VANGL2: variants seen among roughly 807,000 people sequenced by gnomAD.
VANGL2 encodes vang-like protein 2.
Under a neutral mutation model 50.2 loss-of-function variants are expected in VANGL2, and 14 were observed. The ratio of observed to expected loss-of-function variants is 0.28; its 90% CI spans 0.18 to 0.44. VANGL2 has a LOEUF of 0.44. Ranked by LOEUF, VANGL2 falls within the 20% of genes least tolerant of loss-of-function variation. The probability of loss-of-function intolerance (pLI) is 1.00; values close to 1 mark genes in which losing one functional copy is unlikely to be tolerated. For synonymous variants in VANGL2, 295 were observed against 297.2 expected, an observed-to-expected ratio of 0.99 and a Z score of 0.08; for missense variants, 533 against 701.5, an observed-to-expected ratio of 0.76 and a Z score of 2.71.
At position 160,418,984 on chromosome 1, in the gene VANGL2, G is replaced by T. The variant is rs1325046388; in HGVS notation, c.193-18G>T. ...TCCTTTCCTCCTTATTGTGTGGCTG[G>T]CCCCCTTCTGCCTGTAGGATGACAA... On this transcript the variant is annotated intron_variant, in intron 3 of 7. Transcript: ENST00000368061. 1 of 1,597,162 alleles carries T rather than the reference G, an allele frequency of 6.3e-7. No homozygotes were observed. Among genetic ancestry groups the T allele is most frequent in the Non-Finnish European group, 8.6e-7 (1 of 1,169,238 alleles).
At chr1:160,402,818 C>T (rs1054434680) in intron 1 of VANGL2, among the ~76,000 whole-genome samples, 3 of 152,048 alleles carry the variant, frequency 2.0e-5, no homozygotes, top group Admixed American at 2.0e-4. Flanking sequence ...CTCATCCTTT[C>T]TCTTTTGGGG....
chr1:160,421,061 C>T lies in VANGL2; in HGVS notation c.947C>T (p.Thr316Ile). The change falls in exon 6 of 8, where the codon ACC becomes ATC. Residue 316 changes from threonine (T) to isoleucine (I), a missense_variant. Transcript: ENST00000368061. Reference sequence around the variant, plus strand: ...TCCTGTTCCTGTGCAGAAAACAGCACCAACAACTCCACTGGCCAGTCTCGG... The same window carrying T: ...TCCTGTTCCTGTGCAGAAAACAGCATCAACAACTCCACTGGCCAGTCTCGG... ...KVYSLGEENSTNNSTGQSRAV... is the reference protein window; with the variant it reads ...KVYSLGEENSINNSTGQSRAV... 6.2e-7 allele frequency: 1 copy of T among 1,614,178 alleles called. No individual in the cohort carries two copies. Among genetic ancestry groups the T allele is most frequent in the East Asian group, 2.2e-5 (1 of 44,892 alleles).
At chr1:160,406,271 G>A (rs949831337) in intron 1 of VANGL2, among the ~76,000 whole-genome samples, 3 of 152,078 alleles carry the variant, frequency 2.0e-5, no homozygotes, top group Admixed American at 6.5e-5. Flanking sequence ...ATTCCAGTTC[G>A]GTCTGATTGC....
chr1:160,403,535 C>A (rs1444794848), intron 1 of VANGL2, among the ~76,000 whole-genome samples: 1 of 152,154 alleles, frequency 6.6e-6, no homozygotes, highest in African/African-American at 2.4e-5. Context: ...CCTTCCCTGG[C>A]CCTAGAGCAG....
chr1:160,408,333 A>G (rs1360641155), intron 1 of VANGL2, among the ~76,000 whole-genome samples: 4 of 152,054 alleles, frequency 2.6e-5, no homozygotes, highest in African/African-American at 9.7e-5. Flanking sequence ...GCGGATTTAG[A>G]GGTCCTCGGC....
At position 160,424,237 on chromosome 1, in the gene VANGL2, T is replaced by C; in HGVS notation, c.1259T>C (p.Ile420Thr). Residue 420 changes from isoleucine (I) to threonine (T), a missense_variant, in exon 7 of 8, where the codon ATC becomes ACC. Coordinates refer to ENST00000368061, the MANE Select transcript of VANGL2 (RefSeq NM_020335.3). ...KQQPYHTMES[I>T]LQHLEFCITH... ...CAGCCCTACCACACCATGGAGAGCATCCTGCAGCACCTTGAATTCTGCATC... is the reference window on the plus strand; with the variant it reads ...CAGCCCTACCACACCATGGAGAGCACCCTGCAGCACCTTGAATTCTGCATC... The C allele has an allele frequency of 6.2e-7, 1 of 1,614,190 alleles. No individual in the cohort carries two copies.
chr1:160,403,066 G>T (rs1366109438), intron 1 of VANGL2, among the ~76,000 whole-genome samples: 2 of 152,086 alleles, frequency 1.3e-5, no homozygotes, highest in Non-Finnish European at 2.9e-5. Flanking sequence ...CTAAGGCCTG[G>T]AGATAAGAGT....
Position 160,419,060 on chromosome 1 carries a change from C to G in VANGL2, c.251C>G (p.Ser84Cys). 4 of 1,613,374 alleles carry G rather than the reference C, an allele frequency of 2.5e-6. No homozygotes were observed. The highest frequency in any genetic ancestry group is 2.5e-6 in the Non-Finnish European group (3 of 1,179,388). ...VVTGTSEHSI[S>C]HDDLTRIAKD... ...ACGGGCACCTCAGAGCACAGCATCT[C>G]CCATGATGACCTCACACGCATCGCC... Residue 84 changes from serine (S) to cysteine (C), a missense_variant, in exon 4 of 8, where the codon TCC becomes TGC. Coordinates refer to ENST00000368061, the MANE Select transcript of VANGL2 (RefSeq NM_020335.3). The surrounding 1 kb of genome is among the most constrained non-coding windows in gnomAD (Gnocchi z 5.8).
rs974764228 is a variant in VANGL2 at position 160,428,023 on chromosome 1, G to A, written c.*2645G>A. On this transcript the variant is annotated 3_prime_UTR_variant, in exon 8 of 8. Coordinates refer to ENST00000368061, the MANE Select transcript of VANGL2 (RefSeq NM_020335.3). Reference sequence around the variant, plus strand: ...GGTCCTTTCTCCTAAACTGGTCTTTGTGCTCTCTTTGTTTTTTCTTATTTC... The same window carrying A: ...GGTCCTTTCTCCTAAACTGGTCTTTATGCTCTCTTTGTTTTTTCTTATTTC... 4 of 152,678 alleles carry A rather than the reference G, an allele frequency of 2.6e-5. No individual in the cohort carries two copies. The highest frequency in any genetic ancestry group is 4.8e-5 in the African/African-American group (2 of 41,386). 9.5% of individuals were successfully genotyped at this position (152,678 alleles called of 1,614,324 possible).
chr1:160,419,077 C>A lies in VANGL2; in HGVS notation c.268C>A (p.Arg90Ser). ...CAGCATCTCCCATGATGACCTCACA[C>A]GCATCGCCAAGGACATGGAGGACAG... ...EHSISHDDLTRIAKDMEDSVP... is the reference protein window; with the variant it reads ...EHSISHDDLTSIAKDMEDSVP... The change falls in exon 4 of 8, where the codon CGC becomes AGC. Residue 90 changes from arginine (R) to serine (S), a missense_variant. Physicochemically the swap from Arg to Ser is moderately radical, Grantham distance 110. Transcript: ENST00000368061. This position sits in a 1 kb window ranked among gnomAD's most constrained non-coding sequence, Gnocchi z 5.8. The A allele has an allele frequency of 6.2e-7, 1 of 1,614,010 alleles. No individual in the cohort carries two copies.
At chr1:160,417,317 A>G (rs1004356753) in intron 3 of VANGL2, among the ~76,000 whole-genome samples, 1 of 152,078 alleles carries the variant, frequency 6.6e-6, no homozygotes, top group African/African-American at 2.4e-5. Context: ...TCAGGTTGTG[A>G]TTCCATATCC....
chr1:160,403,172 C>A (rs377734845), intron 1 of VANGL2, among the ~76,000 whole-genome samples: 1 of 151,468 alleles, frequency 6.6e-6, no homozygotes, highest in African/African-American at 2.4e-5. Context: ...ATGGATCATT[C>A]CCCCAAACCC....
intron 6 of VANGL2, 83 bp downstream of exon 6, chr1:160,421,270 G>T: frequency 6.5e-7 from 1 of 1,548,108 alleles, no homozygotes. Context: ...TGTAACTGCT[G>T]GAAATATAGG....
intron 1 of VANGL2, among the ~76,000 whole-genome samples, chr1:160,410,167 C>T (rs907021128): frequency 2.0e-5 from 3 of 152,180 alleles, no homozygotes; most frequent in African/African-American, 7.2e-5. Context: ...TATCAGAGAT[C>T]TCTGCCCCTG....
chr1:160,414,682 A>G (rs918256270), intron 1 of VANGL2, among the ~76,000 whole-genome samples: 3 of 152,120 alleles, frequency 2.0e-5, no homozygotes, highest in Non-Finnish European at 4.4e-5. Flanking sequence ...GAAGGTGCTC[A>G]AACAAGATTT....
intron 7 of VANGL2, 58 bp from the exon 8 acceptor site, chr1:160,425,060 A>G: frequency 6.2e-7 from 1 of 1,613,426 alleles, no homozygotes; most frequent in Non-Finnish European, 8.5e-7. Context: ...GACCTAGGGG[A>G]TGAAGGACCG....
rs140214724 is a variant in VANGL2 at position 160,414,960 on chromosome 1, G to A, written c.-190-688G>A. Among the ~76,000 whole-genome samples, 17 of 152,222 alleles carry A rather than the reference G, an allele frequency of 1.1e-4. No homozygotes were observed. The East Asian group carries it at 2.9e-3, about 26-fold the overall frequency. On this transcript the variant is annotated intron_variant, in intron 1 of 7. Coordinates refer to ENST00000368061, the MANE Select transcript of VANGL2 (RefSeq NM_020335.3). ...ATAAACTTGTGCCTTGCCTGTTTCA[G>A]AACTTCAGGCAAGTAGAAACTTGTC... is the stretch of plus-strand genomic sequence containing the variant.
At chr1:160,416,421 G>T (rs141472934) in intron 3 of VANGL2, among the ~76,000 whole-genome samples, 12 of 152,174 alleles carry the variant, frequency 7.9e-5, no homozygotes, top group Non-Finnish European at 1.0e-4. Context: ...CCAGAGGAGT[G>T]GGGGGTGACC....
chr1:160,402,043 G>GC (rs545890229), intron 1 of VANGL2, among the ~76,000 whole-genome samples: 10 of 152,196 alleles, frequency 6.6e-5, no homozygotes, highest in Non-Finnish European at 1.3e-4. Context: ...TTCGTGGATG[G>GC]CCTCGCCTGG....
Sources: gnomAD v4.1 joint callset for allele counts (sites outside exome capture counted in the v4.1 genomes callset) on GRCh38, gnomAD v4.1.1 for gene constraint, Gnocchi (gnomAD v3.1) non-coding constraint, MANE v1.5 for transcripts, NCBI Gene and HGNC (gene_info 2026-07-23, HGNC 2026-07-21) for gene names.